The following ATAD2B variants were observed in gnomAD, a reference collection of about 807,000 sequenced individuals.
ATAD2B encodes the protein ATPase family AAA domain-containing protein 2B.
Under a neutral mutation model 167.6 loss-of-function variants are expected in ATAD2B, and 40 were observed. That is an observed-to-expected ratio of 0.24 (90% confidence interval 0.19 to 0.31). The LOEUF is 0.31. Ranked by LOEUF, ATAD2B falls within the 10% of genes least tolerant of loss-of-function variation. The pLI, the probability that ATAD2B is intolerant of heterozygous loss-of-function variation, is 1.00. For synonymous variants in ATAD2B, 579 were observed against 596.5 expected (o/e 0.97, Z 0.43); for missense variants, 1,242 against 1,757.2 (o/e 0.71, Z 5.24).
the ATAD2B span, among the ~76,000 whole-genome samples, chr2:23,712,773 A>G: frequency 6.6e-6 from 1 of 152,186 alleles, no homozygotes; most frequent in Admixed American, 6.5e-5. Context: ...GGATCTCTTT[A>G]CAAAAAAAAA....
At chr2:23,746,881 A>C (rs541438310), downstream of ATAD2B, among the ~76,000 whole-genome samples, 2 of 152,306 alleles carry the variant, frequency 1.3e-5, no homozygotes, top group South Asian at 4.1e-4. Flanking sequence ...CCACACTTTT[A>C]AAAAATAATG....
intron 8 of ATAD2B, among the ~76,000 whole-genome samples, chr2:23,872,064 G>GAC (rs2150116015): frequency 6.6e-6 from 1 of 152,254 alleles, no homozygotes; most frequent in South Asian, 2.1e-4. Flanking sequence ...TTTTAGTAGA[G>GAC]ACAGGGTTTC....
Position 23,757,925 on chromosome 2 carries a change from G to T in ATAD2B, c.3571C>A (p.His1191Asn). Residue 1191 changes from histidine to asparagine, a missense_variant, in exon 25 of 28, where the codon CAT (histidine) becomes AAT (asparagine). Physicochemically the swap from His to Asn is moderately conservative, Grantham distance 68 (BLOSUM62 1). Coordinates refer to ENST00000238789, the MANE Select transcript of ATAD2B (RefSeq NM_017552.4). ...CCAGTCTCTTCTCCATTTTCCTCAT[G>T]GCAGTCAGTGCTTACCTCAAACTCT... ...NGEFEVSTDCHEENGEETGDL... is the reference protein window; with the variant it reads ...NGEFEVSTDCNEENGEETGDL... The T allele has an allele frequency of 6.2e-7, 1 of 1,611,148 alleles. No homozygotes were observed. The highest frequency in any genetic ancestry group is 8.5e-7 in the Non-Finnish European group (1 of 1,179,182).
At chr2:23,741,945 A>G in the ATAD2B span, among the ~76,000 whole-genome samples, 3 of 152,252 alleles carry the variant, frequency 2.0e-5, no homozygotes, top group Non-Finnish European at 4.4e-5. Flanking sequence ...CAAAAAACAC[A>G]TGAAAAAATG....
intron 15 of ATAD2B, among the ~76,000 whole-genome samples, chr2:23,824,911 C>T (rs1475565381): frequency 6.6e-6 from 1 of 152,008 alleles, no homozygotes; most frequent in Non-Finnish European, 1.5e-5. Context: ...ATATTAGACC[C>T]TAACTAAGCT....
chr2:23,873,406 C>A (rs141234082), intron 8 of ATAD2B, among the ~76,000 whole-genome samples: 2 of 152,174 alleles, frequency 1.3e-5, no homozygotes, highest in African/African-American at 2.4e-5. Context: ...AGGACCCTTG[C>A]GAATACCAAA....
At chr2:23,918,413 CA>C (rs952625134) in intron 1 of ATAD2B, among the ~76,000 whole-genome samples, 46 of 151,146 alleles carry the variant, frequency 3.0e-4, no homozygotes, top group African/African-American at 1.1e-3. Flanking sequence ...TATGTACCCA[CA>C]AAAAAAATTT....
intron 23 of ATAD2B, among the ~76,000 whole-genome samples, chr2:23,763,803 G>C (rs931147664): frequency 1.1e-4 from 17 of 152,030 alleles, no homozygotes; most frequent in Non-Finnish European, 2.4e-4. Context: ...TGTTGCCCAG[G>C]CTGGTCTCAA....
intron 17 of ATAD2B, among the ~76,000 whole-genome samples, chr2:23,812,162 T>C (rs2149552503): frequency 6.6e-6 from 1 of 151,866 alleles, no homozygotes; most frequent in Non-Finnish European, 1.5e-5. Flanking sequence ...AAGGATATCA[T>C]TATGTAGTAG....
chr2:23,800,943 A>G (rs1244472584), intron 18 of ATAD2B, among the ~76,000 whole-genome samples: 1 of 152,120 alleles, frequency 6.6e-6, no homozygotes, highest in Non-Finnish European at 1.5e-5. Context: ...TGAATTGAGA[A>G]TTAACCTAAC....
At chr2:23,775,502 G>C (rs1050795352) in intron 22 of ATAD2B, among the ~76,000 whole-genome samples, 1 of 152,060 alleles carries the variant, frequency 6.6e-6, no homozygotes. Context: ...GTGAGCCACC[G>C]TGCCCAGCCG....
In ATAD2B at chr2:23,923,999, C is replaced by G. The variant is rs1009663848; in HGVS notation, c.216+2556G>C. ...AGATCGACACCATCCTGGCTAACACCGTGAAACCCCGTCTCTAATAAAAAT... is the reference window on the plus strand; with the variant it reads ...AGATCGACACCATCCTGGCTAACACGGTGAAACCCCGTCTCTAATAAAAAT... On this transcript the variant is annotated intron_variant, in intron 1 of 27. Transcript: ENST00000238789. 1.8e-3 allele frequency among the ~76,000 whole-genome samples: 278 copies of G among 152,170 alleles called. 2 individuals carry two copies. Among genetic ancestry groups the G allele is most frequent in the East Asian group, 3.1e-3 (16 of 5,178 alleles).
chr2:23,857,907 A>G (rs1162443112), intron 12 of ATAD2B, among the ~76,000 whole-genome samples: 2 of 151,090 alleles, frequency 1.3e-5, no homozygotes, highest in Non-Finnish European at 3.0e-5. Context: ...ACGCCCGGCT[A>G]ATTTTGTTGT....
At chr2:23,781,213 C>A (rs927642301) in intron 22 of ATAD2B, among the ~76,000 whole-genome samples, 1 of 152,048 alleles carries the variant, frequency 6.6e-6, no homozygotes, top group Non-Finnish European at 1.5e-5. Flanking sequence ...AACAATTTCA[C>A]AGAACACCAG....
At chr2:23,771,300 C>A (rs1279083437) in intron 22 of ATAD2B, among the ~76,000 whole-genome samples, 1 of 152,118 alleles carries the variant, frequency 6.6e-6, no homozygotes, top group Non-Finnish European at 1.5e-5. Context: ...CTTTTTCTTA[C>A]CTTACTGCAT....
At chr2:23,856,581 C>T (rs1254706452) in intron 13 of ATAD2B, 2 of 191,892 alleles carry the variant, frequency 1.0e-5, no homozygotes. Flanking sequence ...GACATCGAGG[C>T]CAGACACAGT....
At chr2:23,801,390 C>T (rs1440618513) in intron 18 of ATAD2B, among the ~76,000 whole-genome samples, 3 of 151,806 alleles carry the variant, frequency 2.0e-5, no homozygotes, top group South Asian at 2.1e-4. Flanking sequence ...TTCAATGAAG[C>T]GGCAACTGGC....
chr2:23,904,313 A>T (rs1701207013), intron 1 of ATAD2B, among the ~76,000 whole-genome samples: 2 of 152,192 alleles, frequency 1.3e-5, no homozygotes, highest in African/African-American at 2.4e-5. Context: ...CTGCTCCAAA[A>T]AGACTTTAAC....
At chr2:23,724,904 G>A in the ATAD2B span, among the ~76,000 whole-genome samples, 7 of 152,052 alleles carry the variant, frequency 4.6e-5, no homozygotes, top group Admixed American at 1.3e-4. Context: ...TTAGCCAGGC[G>A]TGGTGGCAGG....
Sources: allele counts gnomAD v4.1 joint callset (sites outside exome capture counted in the v4.1 genomes callset), GRCh38; gene constraint gnomAD v4.1.1; transcripts MANE v1.5; gene names NCBI Gene and HGNC (gene_info 2026-07-23, HGNC 2026-07-21).